Variants in THOC5 observed in about 807,000 individuals in gnomAD.
THOC5 encodes the protein Fms-interacting protein.
A neutral mutation model predicts 92.9 loss-of-function variants in THOC5; 43 were observed. That is an observed-to-expected ratio of 0.46 (90% CI 0.36 to 0.60). The LOEUF (loss-of-function observed/expected upper bound fraction) is 0.60. Among genes scored for constraint, THOC5 ranks in the 20% least tolerant of loss-of-function variants. The pLI is 0.00. For missense variants in THOC5, 659 were observed against 849.4 expected (o/e 0.78, Z 2.79); for synonymous variants, 296 against 320.1 (o/e 0.92, Z 0.80).
At chr22:29,516,907 T>C (rs562488953) in intron 17 of THOC5, 122 bp downstream of exon 17, 33 of 866,038 alleles carry the variant, frequency 3.8e-5, no homozygotes, top group Non-Finnish European at 5.9e-5. Flanking sequence ...GCTCTCACGA[T>C]CATTATTATC....
chr22:29,515,663 C>CAAA (rs202113737), intron 17 of THOC5, among the ~76,000 whole-genome samples: 3 of 55,198 alleles, frequency 5.4e-5, no homozygotes, highest in African/African-American at 1.2e-4. Context: ...CTTATCTCTA[C>CAAA]AAAAAAAAAA....
chr22:29,543,604 C>T (rs771191024), intron 3 of THOC5, 62 bp from the exon 4 acceptor site: 55 of 1,315,276 alleles, frequency 4.2e-5, no homozygotes, highest in Non-Finnish European at 3.4e-5. Flanking sequence ...TCCTTCAGTC[C>T]TTCACCACTG....
chr22:29,539,467 A>G lies in THOC5; in HGVS notation c.462T>C (p.His154=). 1 of 1,613,212 alleles carries G rather than the reference A, an allele frequency of 6.2e-7. No individual in the cohort carries two copies. Residue 154 remains histidine (H), a synonymous_variant, in exon 6 of 20, where the codon CAT becomes CAC. Transcript: ENST00000490103. ...CTAAACTGACCAGATCAATTTCTTCATGCTTTGACCTACAGACAAAAACAT... is the reference window on the plus strand; with the variant it reads ...CTAAACTGACCAGATCAATTTCTTCGTGCTTTGACCTACAGACAAAAACAT... ...ITKCLEFKSK[H]EEIDLVSLEE...
intron 9 of THOC5, among the ~76,000 whole-genome samples, 197 bp from the exon 10 acceptor site, chr22:29,528,663 C>T (rs1240317531): frequency 2.6e-5 from 4 of 151,906 alleles, no homozygotes; most frequent in Non-Finnish European, 5.9e-5. Flanking sequence ...AGAAGAATGA[C>T]GTATAACTCA....
rs2063435197 is a variant in THOC5, at chr22:29,521,210, C to T, written c.1176-111G>A. The stretch of plus-strand genomic sequence containing the variant: ...ACGTCTCACTGATGACCAATGCCAC[C>T]ATTTATTGAAGGCTTTCTGTGGGCC... On this transcript the variant is annotated intron_variant, in intron 12 of 19. Coordinates refer to ENST00000490103, the MANE Select transcript of THOC5 (RefSeq NM_003678.5). 7 of 779,338 alleles carry T rather than the reference C, an allele frequency of 9.0e-6. No individual in the cohort carries two copies. In the East Asian group the frequency reaches 1.5e-4, roughly 17 times the overall value. 48.3% of individuals were successfully genotyped at this position (779,338 alleles called of 1,614,324 possible).
intron 6 of THOC5, among the ~76,000 whole-genome samples, chr22:29,537,972 T>C (rs1475004412): frequency 6.6e-6 from 1 of 152,222 alleles, no homozygotes; most frequent in Non-Finnish European, 1.5e-5. Context: ...AAAGTGTGAC[T>C]TGAAGCATTA....
chr22:29,508,238 A>G lies in THOC5; in HGVS notation c.*219T>C. The G allele has an allele frequency of 1.7e-6, 1 of 580,724 alleles. No homozygotes were observed. The highest frequency in any genetic ancestry group is 3.1e-6 in the Non-Finnish European group (1 of 326,844). 36.0% of individuals were successfully genotyped at this position (580,724 alleles called of 1,614,324 possible). On this transcript the variant is annotated 3_prime_UTR_variant, in exon 20 of 20. Transcript: ENST00000490103. ...TTGGCTGCTGAGAAAAAGTCTCTCTACAAATGCTTTTTCACACTGTGTCAC... is the reference window on the plus strand; with the variant it reads ...TTGGCTGCTGAGAAAAAGTCTCTCTGCAAATGCTTTTTCACACTGTGTCAC...
At chr22:29,550,091 C>T (rs916479604) in intron 1 of THOC5, among the ~76,000 whole-genome samples, 2 of 152,164 alleles carry the variant, frequency 1.3e-5, no homozygotes, top group Admixed American at 6.6e-5. Flanking sequence ...TTTAAAGACA[C>T]TCCCAATACT....
chr22:29,517,506 C>G, intron 15 of THOC5, 140 bp from the exon 16 acceptor site: 1 of 679,634 alleles, frequency 1.5e-6, no homozygotes, highest in Non-Finnish European at 2.5e-6. Context: ...AGGAAGTACC[C>G]AGGTCAACAC....
intron 1 of THOC5, among the ~76,000 whole-genome samples, chr22:29,552,228 G>A (rs1319990410): frequency 1.3e-5 from 2 of 151,876 alleles, no homozygotes; most frequent in African/African-American, 2.4e-5. Context: ...AGTGAGGAGC[G>A]TCTCTGCCCG....
intron 9 of THOC5, chr22:29,528,890 A>G: frequency 1.9e-6 from 1 of 532,556 alleles, no homozygotes; most frequent in Admixed American, 3.4e-5. Flanking sequence ...AGGTGTTACT[A>G]TCTGTTTTCA....
At chr22:29,537,840 G>A (rs529873198) in intron 6 of THOC5, among the ~76,000 whole-genome samples, 209 of 151,770 alleles carry the variant, frequency 1.4e-3, no homozygotes, top group South Asian at 2.7e-3. Context: ...GCAGCAAGCC[G>A]AGATCACACC....
chr22:29,544,086 T>C (rs2063961731), intron 3 of THOC5, among the ~76,000 whole-genome samples: 1 of 152,218 alleles, frequency 6.6e-6, no homozygotes, highest in Non-Finnish European at 1.5e-5. Context: ...TTTATTCATT[T>C]ACTATTAATG....
At chr22:29,511,436 G>A in intron 18 of THOC5, 140 bp from the exon 19 acceptor site, 2 of 830,580 alleles carry the variant, frequency 2.4e-6, no homozygotes, top group East Asian at 2.7e-5. Flanking sequence ...ATCAGATCAA[G>A]CTAGACTGGC....
intron 17 of THOC5, among the ~76,000 whole-genome samples, chr22:29,515,000 C>G (rs1299934968): frequency 2.6e-5 from 4 of 151,304 alleles, no homozygotes; most frequent in Non-Finnish European, 5.9e-5. Flanking sequence ...CCACCATGCC[C>G]AGCCCATAAA....
intron 12 of THOC5, among the ~76,000 whole-genome samples, chr22:29,521,909 C>A (rs2063448926): frequency 6.6e-6 from 1 of 152,114 alleles, no homozygotes; most frequent in South Asian, 2.1e-4. Flanking sequence ...GCCGGTCCTG[C>A]GTTTTGGCCC....
chr22:29,516,153 A>AG (rs1187149623), intron 17 of THOC5, among the ~76,000 whole-genome samples: 1 of 151,896 alleles, frequency 6.6e-6, no homozygotes, highest in Non-Finnish European at 1.5e-5. Flanking sequence ...TACTGAAAAA[A>AG]AAAAAAAAAA....
intron 1 of THOC5, among the ~76,000 whole-genome samples, chr22:29,551,443 CAA>C: frequency 6.6e-6 from 1 of 151,956 alleles, no homozygotes; most frequent in South Asian, 2.1e-4. Context: ...TCAACAACAA[CAA>C]AAAAAGTGAC....
chr22:29,531,304 G>A, intron 8 of THOC5: 3 of 985,430 alleles, frequency 3.0e-6, no homozygotes, highest in Non-Finnish European at 2.4e-6. Context: ...CTGCATTAGG[G>A]CAAAAGGCAG....
Sources: allele counts gnomAD v4.1 joint callset (sites outside exome capture counted in the v4.1 genomes callset), GRCh38; gene constraint gnomAD v4.1.1; transcripts MANE v1.5; gene names NCBI Gene and HGNC (gene_info 2026-07-23, HGNC 2026-07-21).